PRH1: variants seen among roughly 807,000 people sequenced by gnomAD.
PRH1 encodes proline rich protein HaeIII subfamily 1.
Under a neutral mutation model 7.9 loss-of-function variants are expected in PRH1, and 7 were observed. The ratio of observed to expected loss-of-function variants is 0.89; its 90% CI spans 0.50 to 1.67. PRH1 has a LOEUF of 1.67. Ranked by LOEUF, PRH1 falls within the 40% of genes most tolerant of loss-of-function variation. PRH1 has a pLI of 0.00. For missense variants in PRH1, 109 were observed against 223.6 expected, an observed-to-expected ratio of 0.49 and a Z score of 3.27; for synonymous variants, 45 against 80.8, an observed-to-expected ratio of 0.56 and a Z score of 2.38.
chr12:10,999,458 TATA>T (rs1475600049), intron 1 of PRH1, among the ~76,000 whole-genome samples: 2 of 152,162 alleles, frequency 1.3e-5, no homozygotes, highest in African/African-American at 4.8e-5. Context: ...CCCCTAGGTA[TATA>T]ATGAGCAGAG....
At chr12:11,053,327 GT>G (rs1486470289) in intron 1 of PRH1, among the ~76,000 whole-genome samples, 3 of 78,312 alleles carry the variant, frequency 3.8e-5, no homozygotes, top group African/African-American at 1.1e-4. Flanking sequence ...GCTTACTTCT[GT>G]TTGATTTATT....
chr12:10,884,646 A>T (rs577564892), upstream of PRH1, among the ~76,000 whole-genome samples: 2 of 152,286 alleles, frequency 1.3e-5, no homozygotes, highest in African/African-American at 4.8e-5. Context: ...CACTGATCCT[A>T]CAGCTAACAG....
chr12:11,076,521 A>G (rs1944298186), intron 1 of PRH1, among the ~76,000 whole-genome samples: 1 of 118,132 alleles, frequency 8.5e-6, no homozygotes, highest in South Asian at 2.3e-4. Flanking sequence ...AGAGGTGGCT[A>G]AGAAAATAAA....
intron 2 of PRH1, among the ~76,000 whole-genome samples, chr12:10,940,068 CTTATTCATAG>C (rs1035881195): frequency 2.0e-4 from 30 of 152,130 alleles, no homozygotes; most frequent in African/African-American, 7.0e-4. Context: ...TGTAAAGGGA[CTTATTCATAG>C]TTATCCAAAG....
chr12:10,884,706 C>T (rs1949464027), upstream of PRH1, among the ~76,000 whole-genome samples: 1 of 152,156 alleles, frequency 6.6e-6, no homozygotes, highest in South Asian at 2.1e-4. Context: ...TTCCATCTCT[C>T]ATGATGTGTG....
At chr12:11,037,325 T>C (rs144349891) in intron 1 of PRH1, among the ~76,000 whole-genome samples, 2,781 of 151,926 alleles carry the variant, frequency 0.018, no homozygotes, top group Middle Eastern at 0.038. Flanking sequence ...GAATTATATA[T>C]GCACAAACAT....
intron 1 of PRH1, chr12:10,973,761 A>G (rs890241177): frequency 1.3e-6 from 1 of 773,864 alleles, no homozygotes; most frequent in Non-Finnish European, 2.4e-6. Flanking sequence ...TATATTTTCA[A>G]TTCATCGGAG....
chr12:10,904,311 T>C (rs542367818), intron 2 of PRH1, among the ~76,000 whole-genome samples: 2 of 151,944 alleles, frequency 1.3e-5, no homozygotes, highest in Non-Finnish European at 2.9e-5. Context: ...AACAGCATGG[T>C]AATATTATAA....
intron 1 of PRH1, among the ~76,000 whole-genome samples, chr12:11,043,715 C>A (rs1042071288): frequency 6.6e-6 from 1 of 151,994 alleles, no homozygotes; most frequent in Non-Finnish European, 1.5e-5. Flanking sequence ...AATTAAATAG[C>A]TGAAGATTAA....
chr12:10,885,945 G>T (rs558707839), upstream of PRH1, among the ~76,000 whole-genome samples: 2 of 152,314 alleles, frequency 1.3e-5, no homozygotes, highest in African/African-American at 4.8e-5. Flanking sequence ...CTTCCTAGTA[G>T]ATTAGATTTT....
intron 1 of PRH1, chr12:11,133,223 T>C (rs1213621974): frequency 3.9e-6 from 6 of 1,534,130 alleles, no homozygotes; most frequent in African/African-American, 1.4e-5. Context: ...TTCATATACA[T>C]ATATTACAGA....
chr12:11,104,070 C>T (rs929624896), intron 1 of PRH1, among the ~76,000 whole-genome samples: 1 of 150,412 alleles, frequency 6.6e-6, no homozygotes, highest in South Asian at 2.1e-4. Context: ...TCATTGAGTG[C>T]TTTTGATGTG....
At chr12:11,047,353 A>C (rs1010528331), upstream of PRH1, among the ~76,000 whole-genome samples, 3 of 151,700 alleles carry the variant, frequency 2.0e-5, no homozygotes, top group African/African-American at 7.3e-5. Flanking sequence ...TGTGATCCAT[A>C]GTTTATATAC....
Position 11,169,198 on chromosome 12 carries a change from C to A in PRH1, n.39+2224G>T, listed in dbSNP as rs1395752468. Among the ~76,000 whole-genome samples, 5 of 152,170 alleles carry A rather than the reference C, an allele frequency of 3.3e-5. No homozygotes were observed. The East Asian group carries it at 5.8e-4, about 18-fold the overall frequency. On this transcript the variant is annotated intron_variant and non_coding_transcript_variant, in intron 1 of 1. Coordinates refer to the PRH1 transcript ENST00000541175. ...TCATGAATTTTCTAATTTGTACAAT[C>A]AAGCCATTTCCAATCATGAATACTC...
chr12:10,936,105 GA>G (rs1273725492), intron 2 of PRH1, among the ~76,000 whole-genome samples: 2 of 151,890 alleles, frequency 1.3e-5, no homozygotes, highest in Non-Finnish European at 2.9e-5. Context: ...CACTTCAGAG[GA>G]GCTCTCTGCT....
intron 1 of PRH1, among the ~76,000 whole-genome samples, chr12:10,981,541 A>T (rs1939356081): frequency 6.6e-6 from 1 of 151,466 alleles, no homozygotes; most frequent in African/African-American, 2.4e-5. Flanking sequence ...CACCTGGCTA[A>T]TTTTTGTATT....
chr12:10,989,577 G>T (rs1444113973), intron 1 of PRH1, among the ~76,000 whole-genome samples: 1 of 151,884 alleles, frequency 6.6e-6, no homozygotes, highest in African/African-American at 2.4e-5. Flanking sequence ...ACTATATATG[G>T]CTATTTCTAT....
At chr12:11,077,545 G>A (rs1944332971) in intron 1 of PRH1, 1 of 1,209,726 alleles carries the variant, frequency 8.3e-7, no homozygotes, top group Non-Finnish European at 1.2e-6. Flanking sequence ...CATGAGGAAG[G>A]AGATCACAGT....
chr12:11,140,447 C>T (rs2136392427), intron 1 of PRH1, among the ~76,000 whole-genome samples: 1 of 152,200 alleles, frequency 6.6e-6, no homozygotes, highest in South Asian at 2.1e-4. Flanking sequence ...CCTTTAAGGT[C>T]CTGACCTTAA....
Sources: allele counts gnomAD v4.1 joint callset (sites outside exome capture counted in the v4.1 genomes callset), GRCh38; gene constraint gnomAD v4.1.1; transcripts MANE v1.5; gene names NCBI Gene and HGNC (gene_info 2026-07-23, HGNC 2026-07-21).